Variants in ACVR1C observed in about 807,000 individuals in gnomAD.
ACVR1C encodes activin receptor type-1C.
ACVR1C carries 23 observed loss-of-function variants against 57.9 expected under a neutral mutation model. The observed-to-expected ratio is 0.40, with a 90% CI of 0.29 to 0.56. The LOEUF (loss-of-function observed/expected upper bound fraction) is 0.56. ACVR1C is among the 20% of genes least tolerant of loss of function. The probability of loss-of-function intolerance (pLI) is 0.50; values close to 1 mark genes in which losing one functional copy is unlikely to be tolerated. For missense variants in ACVR1C, 480 were observed against 607.9 expected, an observed-to-expected ratio of 0.79 and a Z score of 2.21; for synonymous variants, 214 against 215.3, an observed-to-expected ratio of 0.99 and a Z score of 0.05.
chr2:157,620,004 A>C (rs991600783), intron 1 of ACVR1C, among the ~76,000 whole-genome samples: 1 of 152,064 alleles, frequency 6.6e-6, no homozygotes, highest in African/African-American at 2.4e-5. Context: ...GTTGAGTAAA[A>C]GCCATTCTGG....
At chr2:157,555,101 C>CTTTTTTTTTTTTTTTTTTTTTTTTT (rs60269781) in intron 3 of ACVR1C, among the ~76,000 whole-genome samples, 1 of 83,946 alleles carries the variant, frequency 1.2e-5, no homozygotes, top group African/African-American at 5.9e-5. Flanking sequence ...ACTTTGAACG[C>CTTTTTTTTTTTTTTTTTTTTTTTTT]TTTTTTTTTT....
intron 1 of ACVR1C, among the ~76,000 whole-genome samples, chr2:157,591,728 G>A (rs1470348971): frequency 6.6e-6 from 1 of 152,038 alleles, no homozygotes; most frequent in African/African-American, 2.4e-5. Flanking sequence ...AATCCACAGA[G>A]TGAAGACAAT....
chr2:157,556,435 C>G, intron 2 of ACVR1C, 103 bp from the exon 3 acceptor site: 2 of 1,456,032 alleles, frequency 1.4e-6, no homozygotes, highest in East Asian at 2.3e-5. Context: ...GAATATTCAG[C>G]TACACAGTAT....
intron 2 of ACVR1C, among the ~76,000 whole-genome samples, chr2:157,564,464 G>A (rs1361019841): frequency 6.6e-6 from 1 of 152,198 alleles, no homozygotes; most frequent in African/African-American, 2.4e-5. Flanking sequence ...AATAGATGCT[G>A]GCGAGACTGT....
intron 4 of ACVR1C, among the ~76,000 whole-genome samples, chr2:157,546,949 C>T (rs182678436): frequency 1.3e-5 from 2 of 150,604 alleles, no homozygotes; most frequent in Non-Finnish European, 3.0e-5. Flanking sequence ...GTATATCTCC[C>T]GATGCTATCC....
chr2:157,615,222 T>C (rs994511726), intron 1 of ACVR1C, among the ~76,000 whole-genome samples: 1 of 151,390 alleles, frequency 6.6e-6, no homozygotes, highest in Non-Finnish European at 1.5e-5. Context: ...ATACCAGCAC[T>C]ATGGGAGGCC....
At chr2:157,578,298 C>T (rs1688711588) in intron 2 of ACVR1C, among the ~76,000 whole-genome samples, 1 of 152,100 alleles carries the variant, frequency 6.6e-6, no homozygotes, top group South Asian at 2.1e-4. Flanking sequence ...TTAAAAGTAA[C>T]ACAGAAATGA....
rs1379102471 is a variant in ACVR1C at position 157,570,509 on chromosome 2, A to G, written c.305-14177T>C. On this transcript the variant is annotated intron_variant, in intron 2 of 8. Coordinates refer to ENST00000243349, the MANE Select transcript of ACVR1C (RefSeq NM_145259.3). ...TCTCCTTAAGCTGATAAGCAACTTCAGCAAAGTCTCAGGATACAAAATCAA... is the reference window on the plus strand; with the variant it reads ...TCTCCTTAAGCTGATAAGCAACTTCGGCAAAGTCTCAGGATACAAAATCAA... Among the ~76,000 whole-genome samples, 2 of 74,616 alleles carry G rather than the reference A, an allele frequency of 2.7e-5. 1 individual carries two copies. Among genetic ancestry groups the G allele is most frequent in the Non-Finnish European group, 5.5e-5 (2 of 36,506 alleles). 49.0% of individuals were successfully genotyped at this position (74,616 alleles called of 152,430 possible).
Position 157,538,447 on chromosome 2 carries a change from C to T in ACVR1C, c.1356+126G>A, listed in dbSNP as rs533556770. 7.6e-5 allele frequency: 71 copies of T among 935,496 alleles called. No homozygotes were observed. The Middle Eastern group carries it at 4.1e-3, about 55-fold the overall frequency. The allele number at this position is 935,496 out of a possible 1,614,324, so 57.9% of individuals were successfully genotyped here. A position where few individuals can be genotyped will look rare whatever the true frequency, so the allele number is the denominator to read the frequency against. The stretch of plus-strand genomic sequence containing the variant: ...AAAGGGGAAAAAATCCTTCTGAAGA[C>T]TTATAAAAAGACGTATGTCTACATA... On this transcript the variant is annotated intron_variant, in intron 8 of 8. Coordinates refer to ENST00000243349, the MANE Select transcript of ACVR1C (RefSeq NM_145259.3).
At chr2:157,572,775 G>T (rs1688547363) in intron 2 of ACVR1C, among the ~76,000 whole-genome samples, 1 of 152,056 alleles carries the variant, frequency 6.6e-6, no homozygotes, top group South Asian at 2.1e-4. Flanking sequence ...TTATATTTCA[G>T]AGCACTTTCC....
At chr2:157,597,393 C>G (rs1028708496) in intron 1 of ACVR1C, 4 of 985,412 alleles carry the variant, frequency 4.1e-6, no homozygotes, top group African/African-American at 1.7e-5. Flanking sequence ...GAGCCCTCCC[C>G]CAGAGCAGCG....
At position 157,573,863 on chromosome 2, in the gene ACVR1C, A is replaced by G. The variant is rs549945877; in HGVS notation, c.304+13324T>C. Among the ~76,000 whole-genome samples the G allele has an allele frequency of 5.3e-5, 8 of 152,340 alleles. No individual in the cohort carries two copies. In the South Asian group the frequency reaches 1.4e-3, roughly 28 times the overall value. ...TGGGATTCCTTCACATAGGAAAAAA[A>G]TACTTGTCTAATATTAAGGAAGTAA... On this transcript the variant is annotated intron_variant, in intron 2 of 8. Coordinates refer to ENST00000243349, the MANE Select transcript of ACVR1C (RefSeq NM_145259.3).
intron 2 of ACVR1C, among the ~76,000 whole-genome samples, chr2:157,584,817 T>C (rs1466612251): frequency 6.6e-6 from 1 of 152,190 alleles, no homozygotes; most frequent in Non-Finnish European, 1.5e-5. Flanking sequence ...CAGCCCCACA[T>C]GGAAACAATC....
chr2:157,598,771 T>G (rs1245462524), intron 1 of ACVR1C, among the ~76,000 whole-genome samples: 1 of 152,014 alleles, frequency 6.6e-6, no homozygotes, highest in Non-Finnish European at 1.5e-5. Context: ...ACTCCTGACC[T>G]CAAATGATCC....
intron 2 of ACVR1C, among the ~76,000 whole-genome samples, chr2:157,580,788 A>C (rs796710756): frequency 2.0e-5 from 3 of 152,300 alleles, no homozygotes; most frequent in South Asian, 2.1e-4. Flanking sequence ...TGGGAAATAA[A>C]ATATGGTTCC....
At chr2:157,623,910 A>G (rs1682840739) in intron 1 of ACVR1C, among the ~76,000 whole-genome samples, 1 of 152,076 alleles carries the variant, frequency 6.6e-6, no homozygotes, top group African/African-American at 2.4e-5. Context: ...AATAATTTAA[A>G]TTTTTTTAAT....
intron 1 of ACVR1C, among the ~76,000 whole-genome samples, chr2:157,590,627 A>G (rs891298898): frequency 6.6e-6 from 1 of 152,028 alleles, no homozygotes; most frequent in Non-Finnish European, 1.5e-5. Context: ...GGTGACCAAC[A>G]TTAATAAATA....
At chr2:157,593,140 A>G (rs986140596) in intron 1 of ACVR1C, among the ~76,000 whole-genome samples, 1 of 152,150 alleles carries the variant, frequency 6.6e-6, no homozygotes, top group Admixed American at 6.5e-5. Flanking sequence ...GGATGTGCAC[A>G]TTCCTAACCA....
rs375169757 is a variant in ACVR1C at position 157,577,015 on chromosome 2, C to T, written c.304+10172G>A. On this transcript the variant is annotated intron_variant, in intron 2 of 8. Transcript: ENST00000243349. ...GACTACAGGCGCCCGCCACCGCGCC[C>T]GGCTAATTTTTTGTATTTTTTAGTA... Among the ~76,000 whole-genome samples the T allele has an allele frequency of 5.2e-5, 5 of 95,582 alleles. 1 individual carries two copies. In the East Asian group the frequency reaches 1.2e-3, roughly 23 times the overall value. The allele number at this position is 95,582 out of a possible 152,430, so 62.7% of individuals were successfully genotyped here.
Sources: allele counts gnomAD v4.1 joint callset (sites outside exome capture counted in the v4.1 genomes callset), GRCh38; gene constraint gnomAD v4.1.1; transcripts MANE v1.5; gene names NCBI Gene and HGNC (gene_info 2026-07-23, HGNC 2026-07-21).